The following KLHL24 variants were observed in gnomAD, a reference collection of about 807,000 sequenced individuals.
KLHL24 encodes kelch-like protein 24.
A neutral mutation model predicts 53.4 loss-of-function variants in KLHL24; 29 were observed. The observed-to-expected ratio is 0.54, with a 90% CI of 0.40 to 0.74. KLHL24 has a LOEUF of 0.74. Among genes scored for constraint, KLHL24 ranks in the 30% least tolerant of loss-of-function variants. KLHL24 has a pLI of 0.00. For synonymous variants in KLHL24, 222 were observed against 253.7 expected, an observed-to-expected ratio of 0.88 and a Z score of 1.19; for missense variants, 504 against 744.0, an observed-to-expected ratio of 0.68 and a Z score of 3.75.
In KLHL24 at chr3:183,650,733, C is replaced by G; in HGVS notation, c.377C>G (p.Thr126Ser). 6.2e-7 allele frequency: 1 copy of G among 1,613,942 alleles called. No homozygotes were observed. Among genetic ancestry groups the G allele is most frequent in the Non-Finnish European group, 8.5e-7 (1 of 1,179,944 alleles). The part of the protein sequence containing the change: ...AMECFLQYVY[T>S]GKVKITTENV... Reference sequence around the variant, plus strand: ...GAATGTTTTTTGCAGTATGTTTATACTGGAAAGGTGAAGATCACTACAGAG... The same window carrying G: ...GAATGTTTTTTGCAGTATGTTTATAGTGGAAAGGTGAAGATCACTACAGAG... The change falls in exon 3 of 8, where the codon ACT (threonine) becomes AGT (serine). Residue 126 changes from threonine to serine, a missense_variant. Coordinates refer to ENST00000242810, the MANE Select transcript of KLHL24 (RefSeq NM_017644.3). This position sits in a 1 kb window ranked among gnomAD's most constrained non-coding sequence, Gnocchi z 4.5.
Position 183,671,052 on chromosome 3 carries a change from T to C in KLHL24, c.1243T>C (p.Tyr415His). Residue 415 changes from tyrosine to histidine, a missense_variant, in exon 6 of 8, where the codon TAT (tyrosine) becomes CAT (histidine). By Grantham distance (83) the Tyr-to-His change is moderately conservative. Transcript: ENST00000242810. The part of the protein sequence containing the change: ...LLGKVYVVGG[Y>H]DGQNRLSSVE... ...CATATAGGTATATGTTGTCGGTGGCTATGATGGGCAAAACAGACTTAGCAG... is the reference window on the plus strand; with the variant it reads ...CATATAGGTATATGTTGTCGGTGGCCATGATGGGCAAAACAGACTTAGCAG... The C allele has an allele frequency of 6.2e-7, 1 of 1,613,582 alleles. No individual in the cohort carries two copies. Among genetic ancestry groups the C allele is most frequent in the Non-Finnish European group, 8.5e-7 (1 of 1,179,556 alleles).
In KLHL24 at chr3:183,641,474, CA is replaced by C. The variant is rs202119480; in HGVS notation, c.-124-1986del. 4.7e-3 allele frequency among the ~76,000 whole-genome samples: 331 copies of C among 70,256 alleles called. No homozygotes were observed. The East Asian group carries it at 0.056, about 12-fold the overall frequency. 46.1% of individuals were successfully genotyped at this position (70,256 alleles called of 152,430 possible). A position where few individuals can be genotyped will look rare whatever the true frequency, so the allele number is the denominator to read the frequency against. ...GCCTGGCAACAGAGTGAGACTGTCT[CA>C]AAAAAAAAAAAAAAAAAAAGATTTA... is the stretch of plus-strand genomic sequence containing the variant. On this transcript the variant is annotated intron_variant, in intron 1 of 7. Coordinates refer to ENST00000242810, the MANE Select transcript of KLHL24 (RefSeq NM_017644.3).
chr3:183,675,742 G>A (rs1711724614), intron 7 of KLHL24, among the ~76,000 whole-genome samples: 1 of 151,526 alleles, frequency 6.6e-6, no homozygotes, highest in Non-Finnish European at 1.5e-5. Context: ...GGACCAGCCT[G>A]GGTGACACAG....
intron 7 of KLHL24, among the ~76,000 whole-genome samples, chr3:183,678,413 G>A (rs1437944613): frequency 6.6e-6 from 1 of 152,048 alleles, no homozygotes; most frequent in Non-Finnish European, 1.5e-5. Context: ...AGCAAGCCAG[G>A]CTCTTTAAAG....
At chr3:183,637,846 A>G (rs1407600199) in intron 1 of KLHL24, among the ~76,000 whole-genome samples, 3 of 152,164 alleles carry the variant, frequency 2.0e-5, no homozygotes, top group Non-Finnish European at 4.4e-5. Context: ...TTTAGTAGGG[A>G]CGGGGTTTCA....
intron 4 of KLHL24, 75 bp from the exon 5 acceptor site, chr3:183,664,846 C>T (rs1307251994): frequency 1.4e-6 from 1 of 710,220 alleles, no homozygotes; most frequent in Non-Finnish European, 2.3e-6. Context: ...TTTACCTATG[C>T]CTTGGTGGCA....
intron 3 of KLHL24, among the ~76,000 whole-genome samples, chr3:183,656,079 C>T: frequency 8.7e-6 from 1 of 114,878 alleles, no homozygotes; most frequent in South Asian, 3.0e-4. Flanking sequence ...CAGGGTCTCA[C>T]TCTGTTACTC....
chr3:183,639,143 T>G (rs1435206403), intron 1 of KLHL24, among the ~76,000 whole-genome samples: 1 of 151,810 alleles, frequency 6.6e-6, no homozygotes, highest in African/African-American at 2.4e-5. Flanking sequence ...GAGGTTGCAG[T>G]GAGCTGAGAT....
intron 3 of KLHL24, among the ~76,000 whole-genome samples, chr3:183,659,571 G>A (rs1032856889): frequency 2.0e-5 from 3 of 152,228 alleles, no homozygotes; most frequent in Non-Finnish European, 2.9e-5. Flanking sequence ...CTTGTAGGAC[G>A]TAAGAGCAAA....
intron 3 of KLHL24, among the ~76,000 whole-genome samples, chr3:183,656,607 C>G (rs1216368126): frequency 6.6e-6 from 1 of 152,144 alleles, no homozygotes; most frequent in Non-Finnish European, 1.5e-5. Flanking sequence ...TCTCAGTATG[C>G]TAAGTGCTAG....
At chr3:183,649,576 A>G (rs1249090674) in intron 2 of KLHL24, among the ~76,000 whole-genome samples, 1 of 152,024 alleles carries the variant, frequency 6.6e-6, no homozygotes, top group Non-Finnish European at 1.5e-5. Context: ...TTTAAAGGCT[A>G]TTGATAGATA....
rs1275356461 is a variant in KLHL24, at chr3:183,680,727, T to G, written c.*1441T>G. On this transcript the variant is annotated 3_prime_UTR_variant, in exon 8 of 8. Transcript: ENST00000242810. Reference sequence around the variant, plus strand: ...AATGGATATGGCAGGAACTACAGCATAAGTGATTATTGTGATTCTGGGTGG... The same window carrying G: ...AATGGATATGGCAGGAACTACAGCAGAAGTGATTATTGTGATTCTGGGTGG... The G allele has an allele frequency of 1.3e-5, 2 of 152,198 alleles. No homozygotes were observed. The highest frequency in any genetic ancestry group is 2.9e-5 in the Non-Finnish European group (2 of 68,026). The allele number at this position is 152,198 out of a possible 1,614,324, so 9.4% of individuals were successfully genotyped here. A position where few individuals can be genotyped will look rare whatever the true frequency, so the allele number is the denominator to read the frequency against.
rs751683761 is a variant in KLHL24, at chr3:183,679,264, A to G, written c.1781A>G (p.Asn594Ser). Residue 594 changes from asparagine (N) to serine (S), a missense_variant, in exon 8 of 8, where the codon AAT (asparagine) becomes AGT (serine). Coordinates refer to ENST00000242810, the MANE Select transcript of KLHL24 (RefSeq NM_017644.3). ...YHGCVTIHRY[N>S]EKCFKL is the part of the protein sequence containing the mutation. ...GGCTGTGTGACTATTCATAGATACA[A>G]TGAGAAATGCTTTAAACTCTGAAGA... 1.9e-6 allele frequency: 3 copies of G among 1,613,724 alleles called. No homozygotes were observed. The highest frequency in any genetic ancestry group is 2.7e-5 in the African/African-American group (2 of 74,930).
intron 5 of KLHL24, among the ~76,000 whole-genome samples, chr3:183,669,339 C>T (rs1297376309): frequency 2.6e-5 from 4 of 151,722 alleles, no homozygotes; most frequent in South Asian, 4.2e-4. Context: ...GCAACAAGAG[C>T]GAAACTCCGC....
chr3:183,641,836 G>A (rs1716494532), intron 1 of KLHL24, among the ~76,000 whole-genome samples: 1 of 152,180 alleles, frequency 6.6e-6, no homozygotes, highest in South Asian at 2.1e-4. Flanking sequence ...CACTCACGCT[G>A]TAGATTAATT....
intron 7 of KLHL24, 85 bp from the exon 8 acceptor site, chr3:183,679,001 C>G: frequency 2.8e-6 from 3 of 1,061,640 alleles, no homozygotes; most frequent in Non-Finnish European, 4.3e-6. Flanking sequence ...TTTGACTGTG[C>G]TAAAGCATTA....
At chr3:183,638,540 C>T (rs1715760661) in intron 1 of KLHL24, among the ~76,000 whole-genome samples, 1 of 152,110 alleles carries the variant, frequency 6.6e-6, no homozygotes, top group Non-Finnish European at 1.5e-5. Flanking sequence ...CACAAGTATA[C>T]GTATGAAAAA....
chr3:183,656,870 G>A (rs1718974292), intron 3 of KLHL24, among the ~76,000 whole-genome samples: 2 of 150,476 alleles, frequency 1.3e-5, no homozygotes, highest in African/African-American at 4.9e-5. Context: ...AGACCTGCCT[G>A]GGCAATATAG....
intron 5 of KLHL24, among the ~76,000 whole-genome samples, chr3:183,668,293 T>C (rs555741871): frequency 6.6e-6 from 1 of 152,150 alleles, no homozygotes; most frequent in Non-Finnish European, 1.5e-5. Context: ...TGAAAAGTAC[T>C]GATGTCTCAA....
Sources: allele counts gnomAD v4.1 joint callset (sites outside exome capture counted in the v4.1 genomes callset), GRCh38; gene constraint gnomAD v4.1.1; non-coding constraint Gnocchi (gnomAD v3.1); transcripts MANE v1.5; gene names NCBI Gene and HGNC (gene_info 2026-07-23, HGNC 2026-07-21).